DNAJB2: variants seen among roughly 807,000 people sequenced by gnomAD.
DNAJB2 encodes dnaJ homolog subfamily B member 2.
DNAJB2 carries 19 observed loss-of-function variants against 33.3 expected under a neutral mutation model. That is an observed-to-expected ratio of 0.57 (90% CI 0.40 to 0.84). DNAJB2 has a LOEUF of 0.84. Among genes scored for constraint, DNAJB2 ranks in the 40% least tolerant of loss-of-function variants. The pLI, the probability that DNAJB2 is intolerant of heterozygous loss-of-function variation, is 0.00. For synonymous variants in DNAJB2, 172 were observed against 164.6 expected (o/e 1.04, Z -0.34); for missense variants, 368 against 430.9 (o/e 0.85, Z 1.29).
chr2:219,280,054 C>A, intron 2 of DNAJB2, 156 bp downstream of exon 2: 1 of 733,794 alleles, frequency 1.4e-6, no homozygotes, highest in Non-Finnish European at 2.2e-6. Flanking sequence ...AGGAAAGAGA[C>A]CCCTGGTAGA....
chr2:219,279,418 G>C lies in DNAJB2; in HGVS notation c.-137G>C, dbSNP rs892901591. 1.2e-5 allele frequency: 2 copies of C among 171,406 alleles called. No individual in the cohort carries two copies. Among genetic ancestry groups the C allele is most frequent in the African/African-American group, 4.8e-5 (2 of 41,802 alleles). The allele number at this position is 171,406 out of a possible 1,614,324, so 10.6% of individuals were successfully genotyped here. On this transcript the variant is annotated 5_prime_UTR_variant, in exon 1 of 9. Coordinates refer to ENST00000336576, the MANE Select transcript of DNAJB2 (RefSeq NM_006736.6). The surrounding 1 kb of genome is among the most constrained non-coding windows in gnomAD (Gnocchi z 4.9). Reference sequence around the variant, plus strand: ...CTGCGCGCACAGCTGGGCCGGGCGCGTCCTACGCAGCAGCCGCGAGCCGGG... The same window carrying C: ...CTGCGCGCACAGCTGGGCCGGGCGCCTCCTACGCAGCAGCCGCGAGCCGGG...
intron 8 of DNAJB2, among the ~76,000 whole-genome samples, chr2:219,283,934 G>A (rs1035313838): frequency 3.9e-5 from 6 of 152,058 alleles, no homozygotes; most frequent in Admixed American, 2.6e-4. Flanking sequence ...CACGATTCCC[G>A]GAGCAGAACT....
In DNAJB2 at chr2:219,285,395, C is replaced by A; in HGVS notation, c.*408C>A. ...CGGAGCCGGCAGCTCCACTGGAGAG[C>A]AGTGCAGGCAGAGTGGAGCCTCCTG... On this transcript the variant is annotated 3_prime_UTR_variant, in exon 9 of 9. Coordinates refer to ENST00000336576, the MANE Select transcript of DNAJB2 (RefSeq NM_006736.6). 1.3e-5 allele frequency: 13 copies of A among 1,010,360 alleles called. No individual in the cohort carries two copies. The highest frequency in any genetic ancestry group is 1.5e-5 in the Non-Finnish European group (13 of 846,158). 62.6% of individuals were successfully genotyped at this position (1,010,360 alleles called of 1,614,324 possible).
At chr2:219,282,585 C>T in intron 5 of DNAJB2, 1 of 430,246 alleles carries the variant, frequency 2.3e-6, no homozygotes, top group Non-Finnish European at 4.1e-6. Context: ...TTTGCCTGTA[C>T]TGAAAGAGCC....
At chr2:219,283,531 C>T (rs1574901438) in intron 8 of DNAJB2, 42 bp downstream of exon 8, 2 of 1,585,120 alleles carry the variant, frequency 1.3e-6, no homozygotes, top group Non-Finnish European at 1.7e-6. Flanking sequence ...CAGGAAGCCC[C>T]AGCCCCAACC....
At position 219,284,785 on chromosome 2, in the gene DNAJB2, C is replaced by T. The variant is rs1027006032; in HGVS notation, c.773C>T (p.Ala258Val). The T allele has an allele frequency of 6.2e-7, 1 of 1,613,162 alleles. No individual in the cohort carries two copies. Among genetic ancestry groups the T allele is most frequent in the South Asian group, 1.1e-5 (1 of 91,028 alleles). The change falls in exon 9 of 9, where the codon GCC (alanine) becomes GTC (valine). Residue 258 changes from alanine (A) to valine (V), a missense_variant. Coordinates refer to ENST00000336576, the MANE Select transcript of DNAJB2 (RefSeq NM_006736.6). ...TCTGAGGATGAGGACCTGCAGCTGG[C>T]CATGGCCTACAGCCTGTCAGAGATG... ...DLSEDEDLQL[A>V]MAYSLSEMEA...
intron 8 of DNAJB2, among the ~76,000 whole-genome samples, 187 bp downstream of exon 8, chr2:219,283,676 C>T (rs1057138154): frequency 2.6e-5 from 4 of 152,200 alleles, no homozygotes; most frequent in African/African-American, 4.8e-5. Flanking sequence ...AAGCCATCGC[C>T]GTCACTGTGA....
Position 219,281,731 on chromosome 2 carries a change from G to A in DNAJB2, c.189G>A (p.Glu63=). Residue 63 remains glutamate, a synonymous_variant, in exon 4 of 9, where the codon GAG becomes GAA. Coordinates refer to ENST00000336576, the MANE Select transcript of DNAJB2 (RefSeq NM_006736.6). ...CTCTTTTTGCAGAGCACAAGCGGGA[G>A]ATTTACGACCGCTATGGCCGGGAAG... The part of the protein sequence containing the change: ...YEVLSDKHKR[E]IYDRYGREGL... 4 of 1,614,074 alleles carry A rather than the reference G, an allele frequency of 2.5e-6. No individual in the cohort carries two copies. The highest frequency in any genetic ancestry group is 2.5e-6 in the Non-Finnish European group (3 of 1,180,034).
At position 219,283,344 on chromosome 2, in the gene DNAJB2, C is replaced by T. The variant is rs142128824; in HGVS notation, c.549-75C>T. On this transcript the variant is annotated intron_variant, in intron 7 of 8. Transcript: ENST00000336576. Reference sequence around the variant, plus strand: ...AGGGCCCAGTCTGCGCTCTCTACTGCGGTGGCCAGAACTGGGACCAGCGCC... The same window carrying T: ...AGGGCCCAGTCTGCGCTCTCTACTGTGGTGGCCAGAACTGGGACCAGCGCC... 302 of 1,604,086 alleles carry T rather than the reference C, an allele frequency of 1.9e-4. 1 individual carries two copies. The African/African-American group carries it at 2.7e-3, about 14-fold the overall frequency.
Position 219,286,120 on chromosome 2 carries a change from GTGGCGGGTGGGGGCCGGGTGGGAGGT to G in DNAJB2, c.*1134_*1159del. 1 of 1,069,272 alleles carries G rather than the reference GTGGCGGGTGGGGGCCGGGTGGGAGGT, an allele frequency of 9.4e-7. No individual in the cohort carries two copies. Among genetic ancestry groups the G allele is most frequent in the Non-Finnish European group, 1.3e-6 (1 of 767,644 alleles). The allele number at this position is 1,069,272 out of a possible 1,614,324, so 66.2% of individuals were successfully genotyped here. A position where few individuals can be genotyped will look rare whatever the true frequency, so the allele number is the denominator to read the frequency against. ...TGCTGAGTGTAGAGCCGGGGCCTGG[GTGGCGGGTGGGGGCCGGGTGGGAGGT>G]GGCAGTAGTCTTAGCCTGTGCACTC... is the stretch of plus-strand genomic sequence containing the variant. On this transcript the variant is annotated 3_prime_UTR_variant, in exon 9 of 9. Coordinates refer to ENST00000336576, the MANE Select transcript of DNAJB2 (RefSeq NM_006736.6).
Position 219,285,800 on chromosome 2 carries a change from G to A in DNAJB2, c.*813G>A. 1 of 1,389,800 alleles carries A rather than the reference G, an allele frequency of 7.2e-7. No homozygotes were observed. The highest frequency in any genetic ancestry group is 9.4e-7 in the Non-Finnish European group (1 of 1,067,604). 86.1% of individuals were successfully genotyped at this position (1,389,800 alleles called of 1,614,324 possible). A position where few individuals can be genotyped will look rare whatever the true frequency, so the allele number is the denominator to read the frequency against. On this transcript the variant is annotated 3_prime_UTR_variant, in exon 9 of 9. Coordinates refer to ENST00000336576, the MANE Select transcript of DNAJB2 (RefSeq NM_006736.6). ...AGGTGAGGCTGGCTCACCCTGAAGA[G>A]GTGGGATAGGACCGGGGGACCCCAG... is the stretch of plus-strand genomic sequence containing the variant.
At position 219,283,231 on chromosome 2, in the gene DNAJB2, C is replaced by T. The variant is rs1055176141; in HGVS notation, c.544C>T (p.Arg182Cys). The T allele has an allele frequency of 3.7e-5, 60 of 1,614,084 alleles. No homozygotes were observed. The highest frequency in any genetic ancestry group is 4.6e-5 in the Non-Finnish European group (54 of 1,180,026). Residue 182 changes from arginine to cysteine, a missense_variant, in exon 7 of 9, where the codon CGC (arginine) becomes TGC (cysteine). Physicochemically the swap from Arg to Cys is radical, Grantham distance 180 (BLOSUM62 -3). Transcript: ENST00000336576. ...TGTCCAAGGACGCCGCATCACCACA[C>T]GCAGGTGAGAGCTCCTTCTGGGGCC... Reference protein sequence around the residue: ...TFVQGRRITTRRIMENGQERV... With the variant: ...TFVQGRRITTCRIMENGQERV...
chr2:219,282,907 T>G lies in DNAJB2; in HGVS notation c.423T>G (p.Ser141=), dbSNP rs1322240577. ...SRHSGPFFTF[S]SSFPGHSDFS... is the part of the protein sequence containing the mutation. Reference sequence around the variant, plus strand: ...ACTCAGGCCCCTTCTTTACCTTCTCTTCCTCCTTCCCTGGGCACTCCGGTA... The same window carrying G: ...ACTCAGGCCCCTTCTTTACCTTCTCGTCCTCCTTCCCTGGGCACTCCGGTA... The change falls in exon 6 of 9, where the codon TCT becomes TCG. Residue 141 remains serine (S), a synonymous_variant. Transcript: ENST00000336576. 1 of 1,604,826 alleles carries G rather than the reference T, an allele frequency of 6.2e-7. No individual in the cohort carries two copies. Among genetic ancestry groups the G allele is most frequent in the Admixed American group, 1.7e-5 (1 of 57,346 alleles).
In DNAJB2 at chr2:219,279,847, A is replaced by G. The variant is rs730882140; in HGVS notation, c.14A>G (p.Tyr5Cys). 19 of 1,613,964 alleles carry G rather than the reference A, an allele frequency of 1.2e-5. No homozygotes were observed. The highest frequency in any genetic ancestry group is 1.6e-5 in the Non-Finnish European group (19 of 1,179,954). Reference sequence around the variant, plus strand: ...TGACCAGTTGCCATGGCATCCTACTACGAGATCCTAGACGTGCCGCGAAGT... The same window carrying G: ...TGACCAGTTGCCATGGCATCCTACTGCGAGATCCTAGACGTGCCGCGAAGT... MASY[Y>C]EILDVPRSAS... The change falls in exon 2 of 9, where the codon TAC (tyrosine) becomes TGC (cysteine). Residue 5 changes from tyrosine to cysteine, a missense_variant. Tyr to Cys is a radical substitution (Grantham distance 194). Transcript: ENST00000336576. This position sits in a 1 kb window ranked among gnomAD's most constrained non-coding sequence, Gnocchi z 4.9.
intron 8 of DNAJB2, among the ~76,000 whole-genome samples, 165 bp downstream of exon 8, chr2:219,283,654 A>AG (rs1951927505): frequency 6.6e-6 from 1 of 152,222 alleles, no homozygotes; most frequent in Admixed American, 6.6e-5. Flanking sequence ...AAGGGGGTGA[A>AG]GGAGTCTCAC....
At position 219,281,987 on chromosome 2, in the gene DNAJB2, C is replaced by T. The variant is rs768700590; in HGVS notation, c.278C>T (p.Thr93Ile). The part of the protein sequence containing the change: ...AEAGSGGPGF[T>I]FTFRSPEEVF... ...GCTGGCAGTGGTGGGCCTGGCTTCA[C>T]CTTCACCTTCCGCAGCCCCGAGGAG... Residue 93 changes from threonine (T) to isoleucine (I), a missense_variant, in exon 5 of 9, where the codon ACC becomes ATC. Transcript: ENST00000336576. 1.9e-6 allele frequency: 3 copies of T among 1,614,220 alleles called. No individual in the cohort carries two copies. The highest frequency in any genetic ancestry group is 2.5e-6 in the Non-Finnish European group (3 of 1,180,048).
intron 2 of DNAJB2, 170 bp downstream of exon 2, chr2:219,280,068 C>A: frequency 1.5e-6 from 1 of 663,958 alleles, no homozygotes; most frequent in Non-Finnish European, 2.6e-6. Flanking sequence ...TGGTAGAGTA[C>A]AAGGAGAACG....
chr2:219,283,775 G>C (rs1000703652), intron 8 of DNAJB2, among the ~76,000 whole-genome samples: 8 of 152,174 alleles, frequency 5.3e-5, no homozygotes, highest in African/African-American at 1.9e-4. Context: ...AGCATCTGGG[G>C]GAGTACACAG....
intron 3 of DNAJB2, chr2:219,281,498 G>GT: frequency 1.7e-6 from 1 of 597,662 alleles, no homozygotes; most frequent in Non-Finnish European, 3.0e-6. Context: ...TGCGGTAGGT[G>GT]TTGTGATGAC....
Sources: allele counts gnomAD v4.1 joint callset (sites outside exome capture counted in the v4.1 genomes callset), GRCh38; gene constraint gnomAD v4.1.1; non-coding constraint Gnocchi (gnomAD v3.1); transcripts MANE v1.5; gene names NCBI Gene and HGNC (gene_info 2026-07-23, HGNC 2026-07-21).